The following TGIF1 variants were observed in gnomAD, a reference collection of about 807,000 sequenced individuals.
TGIF1 encodes the protein TGFB induced factor homeobox 1, also known as homeobox protein TGIF1.
Under a neutral mutation model 19.3 loss-of-function variants are expected in TGIF1, and 4 were observed. That is an observed-to-expected ratio of 0.21 (90% CI 0.10 to 0.47). The LOEUF (loss-of-function observed/expected upper bound fraction) is 0.47. Among genes scored for constraint, TGIF1 ranks in the 20% least tolerant of loss-of-function variants. TGIF1 has a pLI of 0.98. For missense variants in TGIF1, 275 were observed against 341.4 expected (o/e 0.81, Z 1.53); for synonymous variants, 122 against 129.3 (o/e 0.94, Z 0.38).
upstream of TGIF1, chr18:3,449,558 C>T (rs538416944): frequency 3.1e-6 from 3 of 983,550 alleles, no homozygotes; most frequent in South Asian, 9.4e-5. Context: ...CCCACCCCCG[C>T]CGACCTCCCA....
chr18:3,448,429 C>T, upstream of TGIF1: 1 of 993,750 alleles, frequency 1.0e-6, no homozygotes, highest in Non-Finnish European at 1.2e-6. Flanking sequence ...GGCGCAGCAG[C>T]TGATTCATCT....
rs752083381 is a variant in TGIF1 at position 3,457,693 on chromosome 18, C to T, written c.572C>T (p.Ser191Leu). Reference sequence around the variant, plus strand: ...GATGTCCCTTTCTCTCTCTGCCAGTCGGTCGGTGTGGGACAAAACACAGAT... The same window carrying T: ...GATGTCCCTTTCTCTCTCTGCCAGTTGGTCGGTGTGGGACAAAACACAGAT... ...LKDVPFSLCQ[S>L]VGVGQNTDIQ... Residue 191 changes from serine to leucine, a missense_variant, in exon 3 of 3, where the codon TCG becomes TTG. Physicochemically the swap from Ser to Leu is moderately radical, Grantham distance 145 (BLOSUM62 -2). Transcript: ENST00000343820. The surrounding 1 kb of genome is among the most constrained non-coding windows in gnomAD (Gnocchi z 4.9). 5.0e-6 allele frequency: 8 copies of T among 1,614,064 alleles called. No homozygotes were observed. In the African/African-American group the frequency reaches 6.7e-5, roughly 13 times the overall value.
intron 2 of TGIF1, among the ~76,000 whole-genome samples, chr18:3,421,278 A>G (rs1190277006): frequency 6.7e-6 from 1 of 148,318 alleles, no homozygotes; most frequent in Non-Finnish European, 1.5e-5. Flanking sequence ...TATATTTGAG[A>G]TGGAGTTTGC....
At chr18:3,427,594 A>G (rs1293076820) in intron 2 of TGIF1, among the ~76,000 whole-genome samples, 3 of 149,792 alleles carry the variant, frequency 2.0e-5, no homozygotes, top group East Asian at 2.0e-4. Context: ...CCTGAGCCAG[A>G]ATATATTCTT....
In TGIF1 at chr18:3,459,534, C is replaced by T. The variant is rs1280164808; in HGVS notation, c.*1594C>T. 6.6e-6 allele frequency: 1 copy of T among 152,114 alleles called. No homozygotes were observed. Among genetic ancestry groups the T allele is most frequent in the Non-Finnish European group, 1.5e-5 (1 of 68,022 alleles). The allele number at this position is 152,114 out of a possible 1,614,324, so 9.4% of individuals were successfully genotyped here. On this transcript the variant is annotated 3_prime_UTR_variant, in exon 3 of 3. Transcript: ENST00000343820. ...CCAAAAAGTACTAGTAAAGTAAATACAAGGAACAAAATAAACATTAATAAA... is the reference window on the plus strand; with the variant it reads ...CCAAAAAGTACTAGTAAAGTAAATATAAGGAACAAAATAAACATTAATAAA...
At chr18:3,437,468 T>C (rs2082628476) in intron 2 of TGIF1, among the ~76,000 whole-genome samples, 1 of 152,336 alleles carries the variant, frequency 6.6e-6, no homozygotes, top group Non-Finnish European at 1.5e-5. Flanking sequence ...CTAAAATTTA[T>C]TTTGCATTTT....
intron 1 of TGIF1, 117 bp downstream of exon 1, chr18:3,450,622 G>T: frequency 6.5e-7 from 1 of 1,537,768 alleles, no homozygotes; most frequent in Non-Finnish European, 8.8e-7. Flanking sequence ...TCTCATGCTG[G>T]AGTGGCGGCC....
rs771219646 is a variant in TGIF1 at position 3,456,698 on chromosome 18, T to C, written c.243+118T>C. ...CACTCAAAGACAGAAGGAATATCTTTTTATTGTAAACTTGATAGTGTTAAA... is the reference window on the plus strand; with the variant it reads ...CACTCAAAGACAGAAGGAATATCTTCTTATTGTAAACTTGATAGTGTTAAA... On this transcript the variant is annotated intron_variant, in intron 2 of 2. Coordinates refer to ENST00000343820, the MANE Select transcript of TGIF1 (RefSeq NM_003244.4). The surrounding 1 kb of genome is among the most constrained non-coding windows in gnomAD (Gnocchi z 4.2). 5 of 926,828 alleles carry C rather than the reference T, an allele frequency of 5.4e-6. No individual in the cohort carries two copies. Among genetic ancestry groups the C allele is most frequent in the East Asian group, 2.6e-5 (1 of 38,968 alleles). 57.4% of individuals were successfully genotyped at this position (926,828 alleles called of 1,614,324 possible). A position where few individuals can be genotyped will look rare whatever the true frequency, so the allele number is the denominator to read the frequency against.
Position 3,451,340 on chromosome 18 carries a change from A to G in TGIF1, c.16+835A>G, listed in dbSNP as rs2082918644. 1 of 984,928 alleles carries G rather than the reference A, an allele frequency of 1.0e-6. No homozygotes were observed. The highest frequency in any genetic ancestry group is 1.7e-5 in the African/African-American group (1 of 57,160). 61.0% of individuals were successfully genotyped at this position (984,928 alleles called of 1,614,324 possible). Reference sequence around the variant, plus strand: ...TCAGTTTGGTTTAAAAACAAAATACACCGGAGGGGGACGGGGGGTGGAGAA... The same window carrying G: ...TCAGTTTGGTTTAAAAACAAAATACGCCGGAGGGGGACGGGGGGTGGAGAA... On this transcript the variant is annotated intron_variant, in intron 1 of 2. Transcript: ENST00000343820. The surrounding 1 kb of genome is among the most constrained non-coding windows in gnomAD (Gnocchi z 5.4).
At chr18:3,448,026 C>G, upstream of TGIF1, 1 of 982,144 alleles carries the variant, frequency 1.0e-6, no homozygotes, top group Non-Finnish European at 1.2e-6. Context: ...CCAAGGAGAA[C>G]CACGGGGAAG....
At chr18:3,455,980 G>A in intron 1 of TGIF1, 1 of 349,742 alleles carries the variant, frequency 2.9e-6, no homozygotes, top group East Asian at 7.2e-5. Flanking sequence ...AGGTTGGTAG[G>A]CATATTCCAA....
At chr18:3,447,179 A>G (rs565233187), upstream of TGIF1, among the ~76,000 whole-genome samples, 34 of 152,306 alleles carry the variant, frequency 2.2e-4, no homozygotes, top group African/African-American at 7.7e-4. Flanking sequence ...AAAAGGAACT[A>G]TGTGTGCCTG....
rs183585798 is a variant in TGIF1 at position 3,423,640 on chromosome 18, G to A, written c.-45+5425G>A. On this transcript the variant is annotated intron_variant, in intron 2 of 3. Transcript: ENST00000401449. Reference sequence around the variant, plus strand: ...GGAGCTTGCAGTGAGCAGAGATCGCGCCACTGCCCTCCAGCCTGCACAACA... The same window carrying A: ...GGAGCTTGCAGTGAGCAGAGATCGCACCACTGCCCTCCAGCCTGCACAACA... 9.9e-5 allele frequency among the ~76,000 whole-genome samples: 15 copies of A among 151,930 alleles called. No individual in the cohort carries two copies. In the East Asian group the frequency reaches 2.5e-3, roughly 25 times the overall value.
At chr18:3,441,750 C>T (rs2082679498) in intron 2 of TGIF1, among the ~76,000 whole-genome samples, 1 of 152,060 alleles carries the variant, frequency 6.6e-6, no homozygotes, top group Admixed American at 6.5e-5. Context: ...TCAATTATCC[C>T]AATTCAATTT....
chr18:3,447,638 T>A (rs1449286668), upstream of TGIF1: 33 of 1,291,918 alleles, frequency 2.6e-5, no homozygotes, highest in Admixed American at 2.4e-4. Flanking sequence ...GCAGTGGGGG[T>A]GCATCTACGG....
In TGIF1 at chr18:3,419,595, A is replaced by T. The variant is rs550498411; in HGVS notation, c.-45+1380A>T. Reference sequence around the variant, plus strand: ...CTTTTTGTTGATCTTCTTTATTGATAGATAAAATGTACAAAACTAATAATC... The same window carrying T: ...CTTTTTGTTGATCTTCTTTATTGATTGATAAAATGTACAAAACTAATAATC... On this transcript the variant is annotated intron_variant, in intron 2 of 3. Transcript: ENST00000401449. Among the ~76,000 whole-genome samples, 38 of 152,330 alleles carry T rather than the reference A, an allele frequency of 2.5e-4. No homozygotes were observed. In the South Asian group the frequency reaches 7.5e-3, roughly 30 times the overall value.
chr18:3,423,776 G>A (rs1355233183), intron 2 of TGIF1, among the ~76,000 whole-genome samples: 21 of 152,000 alleles, frequency 1.4e-4, no homozygotes, highest in Admixed American at 1.2e-3. Flanking sequence ...GATCACTGGA[G>A]CCCAGGAGGT....
intron 1 of TGIF1, among the ~76,000 whole-genome samples, chr18:3,417,214 C>G (rs1042420416): frequency 6.6e-6 from 1 of 152,144 alleles, no homozygotes; most frequent in African/African-American, 2.4e-5. Context: ...GTCTGGAGTG[C>G]AGTGGTGCAA....
chr18:3,456,612 C>T lies in TGIF1; in HGVS notation c.243+32C>T. ...AAAGAGAGCGTGAGGTTTATGGATG[C>T]ATTTTTAGTTTCAAAGTCATTTTAT... On this transcript the variant is annotated intron_variant, in intron 2 of 2. Coordinates refer to ENST00000343820, the MANE Select transcript of TGIF1 (RefSeq NM_003244.4). The surrounding 1 kb of genome is among the most constrained non-coding windows in gnomAD (Gnocchi z 4.2). The T allele has an allele frequency of 2.5e-6, 4 of 1,595,794 alleles. No homozygotes were observed. The highest frequency in any genetic ancestry group is 3.4e-6 in the Non-Finnish European group (4 of 1,164,096).
Sources: allele counts gnomAD v4.1 joint callset (sites outside exome capture counted in the v4.1 genomes callset), GRCh38; gene constraint gnomAD v4.1.1; non-coding constraint Gnocchi (gnomAD v3.1); transcripts MANE v1.5; gene names NCBI Gene and HGNC (gene_info 2026-07-23, HGNC 2026-07-21).